Variants in NMBR observed in about 807,000 individuals in gnomAD.
NMBR encodes the protein neuromedin-B receptor.
NMBR carries 16 observed loss-of-function variants against 20.5 expected under a neutral mutation model. The observed-to-expected ratio is 0.78, with a 90% CI of 0.53 to 1.19. NMBR has a LOEUF of 1.19. NMBR is among the 50% of genes most tolerant of loss of function. The probability of loss-of-function intolerance (pLI) is 0.00; values close to 1 mark genes in which losing one functional copy is unlikely to be tolerated. For missense variants in NMBR, 582 were observed against 499.1 expected, an observed-to-expected ratio of 1.17 and a Z score of -1.58; for synonymous variants, 212 against 196.6, an observed-to-expected ratio of 1.08 and a Z score of -0.65.
intron 3 of NMBR, 139 bp from the exon 4 acceptor site, chr6:142,076,188 C>T (rs1255052021): frequency 1.6e-6 from 1 of 635,592 alleles, no homozygotes; most frequent in Non-Finnish European, 2.6e-6. Flanking sequence ...TTTTCCTCAC[C>T]AAAGTGATGA....
At chr6:142,096,100 C>T (rs1363187881) in intron 1 of NMBR, among the ~76,000 whole-genome samples, 3 of 151,896 alleles carry the variant, frequency 2.0e-5, no homozygotes, top group Non-Finnish European at 4.4e-5. Flanking sequence ...TTTCAAAAAA[C>T]CAGCTCCTGG....
At chr6:142,115,770 C>G (rs76319641) in intron 1 of NMBR, among the ~76,000 whole-genome samples, 72 of 152,100 alleles carry the variant, frequency 4.7e-4, no homozygotes, top group African/African-American at 1.7e-3. Context: ...AATTTAAACA[C>G]TAAAATGTTT....
intron 1 of NMBR, among the ~76,000 whole-genome samples, chr6:142,128,157 G>A (rs894430953): frequency 6.6e-6 from 1 of 151,890 alleles, no homozygotes; most frequent in African/African-American, 2.4e-5. Context: ...AGCTCCCCAC[G>A]CTTTCTCTCT....
At chr6:142,093,507 A>T (rs2114572288) in intron 1 of NMBR, among the ~76,000 whole-genome samples, 1 of 151,950 alleles carries the variant, frequency 6.6e-6, no homozygotes, top group South Asian at 2.1e-4. Flanking sequence ...GCTGCATAGT[A>T]TTCCATGGTG....
intron 1 of NMBR, among the ~76,000 whole-genome samples, chr6:142,122,200 C>T (rs988760060): frequency 2.0e-5 from 3 of 151,860 alleles, no homozygotes; most frequent in Admixed American, 2.0e-4. Context: ...AGTTTGTATT[C>T]GGTTACAAAA....
At chr6:142,123,697 A>G (rs1032620655) in intron 1 of NMBR, among the ~76,000 whole-genome samples, 1 of 151,890 alleles carries the variant, frequency 6.6e-6, no homozygotes, top group African/African-American at 2.4e-5. Flanking sequence ...ACAACTCCCT[A>G]AAGGCTGGGG....
At chr6:142,132,467 C>G (rs570174400) in intron 1 of NMBR, among the ~76,000 whole-genome samples, 1 of 152,128 alleles carries the variant, frequency 6.6e-6, no homozygotes, top group Non-Finnish European at 1.5e-5. Flanking sequence ...ATTAGTAGTT[C>G]GCTATCTTTT....
At chr6:142,078,077 C>G (rs1392324314) in intron 3 of NMBR, among the ~76,000 whole-genome samples, 1 of 152,144 alleles carries the variant, frequency 6.6e-6, no homozygotes, top group African/African-American at 2.4e-5. Context: ...TTGCTATTCC[C>G]CTCATCTCTC....
intron 1 of NMBR, among the ~76,000 whole-genome samples, chr6:142,112,421 A>G (rs576693720): frequency 4.8e-4 from 72 of 149,326 alleles, no homozygotes; most frequent in African/African-American, 1.7e-3. Flanking sequence ...TATTTTTTTC[A>G]AATATTATGA....
chr6:142,130,071 A>C (rs1778113145), intron 1 of NMBR, among the ~76,000 whole-genome samples: 1 of 152,094 alleles, frequency 6.6e-6, no homozygotes, highest in African/African-American at 2.4e-5. Context: ...TGCTCTTCGC[A>C]CTGAGATCTG....
At chr6:142,128,925 A>G (rs1463246735) in intron 1 of NMBR, among the ~76,000 whole-genome samples, 2 of 102,304 alleles carry the variant, frequency 2.0e-5, no homozygotes, top group African/African-American at 3.0e-5. Flanking sequence ...CTTAAGAGGA[A>G]TCAGTATTCA....
At chr6:142,100,523 A>G (rs112115234) in intron 1 of NMBR, among the ~76,000 whole-genome samples, 18 of 152,232 alleles carry the variant, frequency 1.2e-4, no homozygotes, top group Non-Finnish European at 2.9e-5. Flanking sequence ...CAGAGACAGT[A>G]AAATGTGCTT....
chr6:142,085,386 T>C (rs957991260), intron 2 of NMBR, among the ~76,000 whole-genome samples: 6 of 152,114 alleles, frequency 3.9e-5, no homozygotes. Context: ...TAGCCAGGCA[T>C]AGTGGCGTGT....
intron 1 of NMBR, among the ~76,000 whole-genome samples, chr6:142,136,857 C>G (rs921125570): frequency 3.9e-5 from 6 of 152,050 alleles, no homozygotes; most frequent in Non-Finnish European, 5.9e-5. Context: ...TGATCTAGAT[C>G]TCTGTTTTGG....
chr6:142,134,981 TACTC>T, intron 1 of NMBR: 1 of 482,966 alleles, frequency 2.1e-6, no homozygotes. Flanking sequence ...AGTTTTATCT[TACTC>T]AGTGAGTACA....
At chr6:142,105,213 G>C (rs1382531354) in intron 1 of NMBR, among the ~76,000 whole-genome samples, 1 of 152,124 alleles carries the variant, frequency 6.6e-6, no homozygotes, top group Non-Finnish European at 1.5e-5. Context: ...ATGGTGGAAT[G>C]TCATCAGTTA....
intron 1 of NMBR, chr6:142,134,004 A>C (rs938296778): frequency 4.3e-6 from 3 of 702,306 alleles, no homozygotes; most frequent in Middle Eastern, 2.3e-4. Context: ...CTCTTCTGTT[A>C]CAATCAGTTC....
intron 2 of NMBR, among the ~76,000 whole-genome samples, chr6:142,081,267 A>C (rs545143396): frequency 2.0e-5 from 3 of 152,294 alleles, no homozygotes; most frequent in Non-Finnish European, 2.9e-5. Flanking sequence ...GTAGGATTTC[A>C]ACATATGAAT....
intron 1 of NMBR, among the ~76,000 whole-genome samples, chr6:142,114,811 A>G (rs1777822984): frequency 6.6e-6 from 1 of 152,138 alleles, no homozygotes; most frequent in Admixed American, 6.6e-5. Context: ...CCAGATATCA[A>G]GCTGCTAATT....
Sources: allele counts gnomAD v4.1 joint callset (sites outside exome capture counted in the v4.1 genomes callset), GRCh38; gene constraint gnomAD v4.1.1; transcripts MANE v1.5; gene names NCBI Gene and HGNC (gene_info 2026-07-23, HGNC 2026-07-21).